WDR37: variants seen among roughly 807,000 people sequenced by gnomAD.
WDR37 encodes WD repeat-containing protein 37.
A neutral mutation model predicts 62.9 loss-of-function variants in WDR37; 19 were observed. The ratio of observed to expected loss-of-function variants is 0.30; its 90% confidence interval spans 0.21 to 0.44. The LOEUF (loss-of-function observed/expected upper bound fraction) is 0.44. Ranked by LOEUF, WDR37 falls within the 20% of genes least tolerant of loss-of-function variation. The probability of loss-of-function intolerance (pLI) is 1.00; values close to 1 mark genes in which losing one functional copy is unlikely to be tolerated. For synonymous variants in WDR37, 250 were observed against 260.9 expected (o/e 0.96, Z 0.40); for missense variants, 474 against 657.6 (o/e 0.72, Z 3.05).
intron 10 of WDR37, among the ~76,000 whole-genome samples, chr10:1,104,062 T>A (rs1299142823): frequency 6.6e-6 from 1 of 152,252 alleles, no homozygotes; most frequent in Non-Finnish European, 1.5e-5. Context: ...ATCTAGATAT[T>A]GGACATATGG....
chr10:1,093,422 A>T lies in WDR37; in HGVS notation c.605-30A>T, dbSNP rs558360905. On this transcript the variant is annotated intron_variant, in intron 7 of 13. Transcript: ENST00000263150. ...TGATAACATGTTTTTGTCACTTTAAACCTGTTTTTATCATATTTTTATTTT... is the reference window on the plus strand; with the variant it reads ...TGATAACATGTTTTTGTCACTTTAATCCTGTTTTTATCATATTTTTATTTT... 1.3e-5 allele frequency: 21 copies of T among 1,581,120 alleles called. No individual in the cohort carries two copies. The South Asian group carries it at 2.4e-4, about 18-fold the overall frequency.
chr10:1,104,720 CT>C (rs1282974876), intron 10 of WDR37, among the ~76,000 whole-genome samples: 22 of 152,286 alleles, frequency 1.4e-4, no homozygotes, highest in African/African-American at 4.6e-4. Context: ...GCTGAAGTTG[CT>C]TCTGCGAATC....
chr10:1,109,965 G>A (rs892184725), intron 11 of WDR37, among the ~76,000 whole-genome samples: 1 of 152,174 alleles, frequency 6.6e-6, no homozygotes, highest in African/African-American at 2.4e-5. Flanking sequence ...GGGTCTTCCA[G>A]GCTGTAGGCT....
Position 1,128,823 on chromosome 10 carries a change from G to A in WDR37, c.1354-390G>A, listed in dbSNP as rs902726317. On this transcript the variant is annotated intron_variant, in intron 13 of 13. Transcript: ENST00000263150. ...CTGCCGTGCTCGGCGGTCCATGCTC[G>A]GCGGTCCATGCTCGGTGGTCCTGCT... Among the ~76,000 whole-genome samples the A allele has an allele frequency of 3.3e-5, 5 of 151,444 alleles. 1 individual carries two copies. In the South Asian group the frequency reaches 6.3e-4, roughly 19 times the overall value.
At chr10:1,127,899 G>A (rs1835850195) in intron 13 of WDR37, among the ~76,000 whole-genome samples, 1 of 152,244 alleles carries the variant, frequency 6.6e-6, no homozygotes, top group Non-Finnish European at 1.5e-5. Flanking sequence ...TGGGAGCTCT[G>A]CCGGAGGTGA....
chr10:1,094,439 G>C (rs757718261), intron 8 of WDR37, among the ~76,000 whole-genome samples: 1 of 152,236 alleles, frequency 6.6e-6, no homozygotes, highest in African/African-American at 2.4e-5. Flanking sequence ...GGGATGCAGC[G>C]AGTCATGCGG....
chr10:1,067,379 G>T (rs540325311), intron 1 of WDR37, among the ~76,000 whole-genome samples: 1 of 152,104 alleles, frequency 6.6e-6, no homozygotes, highest in Non-Finnish European at 1.5e-5. Flanking sequence ...GGCCCCTAGG[G>T]ATTCATGAAA....
At chr10:1,087,209 C>G (rs1834231006) in intron 7 of WDR37, among the ~76,000 whole-genome samples, 2 of 152,206 alleles carry the variant, frequency 1.3e-5, no homozygotes, top group South Asian at 4.1e-4. Flanking sequence ...GGCGCCTTTC[C>G]CGTGTTAGAC....
chr10:1,078,066 T>C (rs1833932233), intron 3 of WDR37, 63 bp downstream of exon 3: 1 of 1,275,884 alleles, frequency 7.8e-7, no homozygotes, highest in Admixed American at 2.0e-5. Flanking sequence ...AATTTATGAA[T>C]AGACATTCAT....
In WDR37 at chr10:1,124,959, C is replaced by G. The variant is rs554547796; in HGVS notation, c.1288C>G (p.Arg430Gly). 1 of 1,614,198 alleles carries G rather than the reference C, an allele frequency of 6.2e-7. No homozygotes were observed. Among genetic ancestry groups the G allele is most frequent in the African/African-American group, 1.3e-5 (1 of 75,056 alleles). ...QKIIALPHDNRQVRLFDMSGV... is the reference protein window; with the variant it reads ...QKIIALPHDNGQVRLFDMSGV... ...AATCATAGCCCTCCCCCATGACAAC[C>G]GACAAGTGAGACTGTTTGATATGTC... The change falls in exon 13 of 14, where the codon CGA (arginine) becomes GGA (glycine). Residue 430 changes from arginine to glycine, a missense_variant. Transcript: ENST00000263150.
At chr10:1,085,741 T>C (rs77958685) in intron 6 of WDR37, among the ~76,000 whole-genome samples, 1 of 152,174 alleles carries the variant, frequency 6.6e-6, no homozygotes. Context: ...GAAATCATAG[T>C]TTTAAAAAAA....
chr10:1,086,311 A>G lies in WDR37; in HGVS notation c.558A>G (p.Ile186Met), dbSNP rs1834199340. The G allele has an allele frequency of 1.9e-6, 3 of 1,614,160 alleles. No individual in the cohort carries two copies. The African/African-American group carries it at 4.0e-5, about 22-fold the overall frequency. ...SADHTALLWS[I>M]ETGKCLVKYA... ...ATCACACGGCTTTGCTGTGGAGCAT[A>G]GAGACAGGGAAGTGCCTAGTCAAGT... The change falls in exon 7 of 14, where the codon ATA (isoleucine) becomes ATG (methionine). Residue 186 changes from isoleucine to methionine, a missense_variant. By Grantham distance (10) the Ile-to-Met change is conservative. Transcript: ENST00000263150.
chr10:1,109,426 T>C (rs1236081978), intron 11 of WDR37, among the ~76,000 whole-genome samples: 2 of 152,250 alleles, frequency 1.3e-5, no homozygotes, highest in Non-Finnish European at 2.9e-5. Context: ...GCTGGTGGCA[T>C]CTTTAAAATA....
chr10:1,067,433 AT>A (rs1176625551), intron 1 of WDR37, among the ~76,000 whole-genome samples: 1 of 152,232 alleles, frequency 6.6e-6, no homozygotes, highest in Non-Finnish European at 1.5e-5. Context: ...AGAAAAAATT[AT>A]CAACATTAAA....
chr10:1,072,144 C>G lies in WDR37; in HGVS notation c.-12C>G, dbSNP rs764251023. 2.5e-5 allele frequency: 41 copies of G among 1,613,900 alleles called. No homozygotes were observed. Among genetic ancestry groups the G allele is most frequent in the Admixed American group, 5.0e-5 (3 of 60,008 alleles). Reference sequence around the variant, plus strand: ...ATTGCAGGAGTGACCAGGACACTACCTCCTAGAAGTAATGCCCACAGAAAG... The same window carrying G: ...ATTGCAGGAGTGACCAGGACACTACGTCCTAGAAGTAATGCCCACAGAAAG... On this transcript the variant is annotated 5_prime_UTR_variant, in exon 2 of 14. Transcript: ENST00000263150.
At chr10:1,098,297 C>T (rs980497558) in intron 9 of WDR37, among the ~76,000 whole-genome samples, 1 of 150,508 alleles carries the variant, frequency 6.6e-6, no homozygotes, top group African/African-American at 2.4e-5. Context: ...TGTGTGCACG[C>T]TCTCTTTCTA....
intron 9 of WDR37, among the ~76,000 whole-genome samples, chr10:1,099,769 G>A (rs922475390): frequency 4.1e-5 from 6 of 147,148 alleles, no homozygotes; most frequent in East Asian, 2.1e-4. Flanking sequence ...TGGCGGAGAC[G>A]TGAGGAGGGT....
intron 13 of WDR37, among the ~76,000 whole-genome samples, chr10:1,128,795 G>A (rs529186165): frequency 1.9e-4 from 29 of 152,020 alleles, no homozygotes; most frequent in African/African-American, 7.0e-4. Context: ...CGTCCTGGCG[G>A]CTCTGCCGTG....
chr10:1,132,021 A>G lies in WDR37; in HGVS notation c.*2677A>G, dbSNP rs1342391291. 6.6e-6 allele frequency: 1 copy of G among 152,632 alleles called. No individual in the cohort carries two copies. The highest frequency in any genetic ancestry group is 1.5e-5 in the Non-Finnish European group (1 of 68,024). The allele number at this position is 152,632 out of a possible 1,614,324, so 9.5% of individuals were successfully genotyped here. A position where few individuals can be genotyped will look rare whatever the true frequency, so the allele number is the denominator to read the frequency against. On this transcript the variant is annotated 3_prime_UTR_variant, in exon 14 of 14. Coordinates refer to ENST00000263150, the MANE Select transcript of WDR37 (RefSeq NM_014023.4). ...TTTGTTACTTAAGTCTGTGAAAAAC[A>G]TATTTCTTTGGAGGAAAATGTATGC...
Sources: gnomAD v4.1 joint callset for allele counts (sites outside exome capture counted in the v4.1 genomes callset) on GRCh38, gnomAD v4.1.1 for gene constraint, MANE v1.5 for transcripts, NCBI Gene and HGNC (gene_info 2026-07-23, HGNC 2026-07-21) for gene names.